The following NECAB1 variants were observed in gnomAD, a reference collection of about 807,000 sequenced individuals.
NECAB1 encodes the protein N-terminal EF-hand calcium-binding protein 1.
NECAB1 carries 29 observed loss-of-function variants against 57.5 expected under a neutral mutation model. That is an observed-to-expected ratio of 0.50 (90% CI 0.38 to 0.69). The LOEUF is 0.69. NECAB1 is among the 30% of genes least tolerant of loss of function. The probability of loss-of-function intolerance (pLI) is 0.00; values close to 1 mark genes in which losing one functional copy is unlikely to be tolerated. For synonymous variants in NECAB1, 142 were observed against 147.7 expected (o/e 0.96, Z 0.28); for missense variants, 372 against 413.8 (o/e 0.90, Z 0.88).
Position 90,928,229 on chromosome 8 carries a change from TAGA to T in NECAB1, c.630_632del (p.Glu210del), listed in dbSNP as rs754963955. 7 of 1,607,966 alleles carry T rather than the reference TAGA, an allele frequency of 4.4e-6. No individual in the cohort carries two copies. In the South Asian group the frequency reaches 4.4e-5, roughly 10 times the overall value. On this transcript the variant is annotated inframe_deletion, in exon 8 of 13. Transcript: ENST00000417640. ...TGATTCCCCCTGGCCCCAGGCTTAT[TAGA>T]AGAAGACAACCAGTGGATGACCCAG...
At chr8:90,909,698 A>C (rs1208582104) in intron 5 of NECAB1, among the ~76,000 whole-genome samples, 1 of 152,000 alleles carries the variant, frequency 6.6e-6, no homozygotes, top group Admixed American at 6.6e-5. Flanking sequence ...TTTACTCCAT[A>C]AGTCATTTGC....
At chr8:90,887,420 C>A (rs73298006) in intron 5 of NECAB1, among the ~76,000 whole-genome samples, 2,850 of 152,226 alleles carry the variant, frequency 0.019, 101 homozygotes, top group African/African-American at 0.066. Flanking sequence ...TTTTAAAAAG[C>A]TTGAGTAGCA....
rs2130287419 is a variant in NECAB1, at chr8:90,955,918, A to C, written c.*406A>C. 1 of 158,658 alleles carries C rather than the reference A, an allele frequency of 6.3e-6. No individual in the cohort carries two copies. The highest frequency in any genetic ancestry group is 1.8e-4 in the East Asian group (1 of 5,438). 9.8% of individuals were successfully genotyped at this position (158,658 alleles called of 1,614,324 possible). On this transcript the variant is annotated 3_prime_UTR_variant, in exon 13 of 13. Transcript: ENST00000417640. The stretch of plus-strand genomic sequence containing the variant: ...TTTTGTAAACTGTCGTATACTGTAA[A>C]GGGTTAAATCAGCGTTTTGTGATTT...
intron 3 of NECAB1, among the ~76,000 whole-genome samples, chr8:90,837,124 G>A (rs896484643): frequency 6.6e-6 from 1 of 152,168 alleles, no homozygotes; most frequent in South Asian, 2.1e-4. Context: ...TTAAAAAATG[G>A]TTCCAAAAAG....
intron 3 of NECAB1, among the ~76,000 whole-genome samples, chr8:90,833,682 A>G (rs1812325865): frequency 6.6e-6 from 1 of 152,166 alleles, no homozygotes; most frequent in Non-Finnish European, 1.5e-5. Flanking sequence ...TAAGTCATCA[A>G]TATCCACCAG....
intron 2 of NECAB1, among the ~76,000 whole-genome samples, chr8:90,820,979 T>G (rs1812134750): frequency 6.6e-6 from 1 of 151,944 alleles, no homozygotes; most frequent in Non-Finnish European, 1.5e-5. Flanking sequence ...TTACGAAATC[T>G]GAAACTTAAA....
intron 2 of NECAB1, among the ~76,000 whole-genome samples, chr8:90,812,216 A>G (rs1244147476): frequency 1.3e-5 from 2 of 152,216 alleles, no homozygotes; most frequent in Non-Finnish European, 2.9e-5. Context: ...CCTGTGTTAA[A>G]ATATTTAATT....
intron 3 of NECAB1, among the ~76,000 whole-genome samples, chr8:90,848,629 C>A (rs564842221): frequency 3.3e-5 from 5 of 152,296 alleles, no homozygotes; most frequent in Non-Finnish European, 7.4e-5. Flanking sequence ...AAAGGAGGAG[C>A]AAAGGCACTT....
intron 3 of NECAB1, among the ~76,000 whole-genome samples, chr8:90,833,460 G>A (rs1435211472): frequency 6.6e-6 from 1 of 151,710 alleles, no homozygotes; most frequent in East Asian, 1.9e-4. Context: ...GAATGTGCAG[G>A]TTTGTTACGT....
chr8:90,936,611 T>C (rs1025655371), intron 9 of NECAB1, among the ~76,000 whole-genome samples: 2 of 152,174 alleles, frequency 1.3e-5, no homozygotes, highest in Non-Finnish European at 2.9e-5. Flanking sequence ...AATTGCTCTT[T>C]GCTAGCGAGG....
chr8:90,954,951 A>G (rs911088368), intron 12 of NECAB1, among the ~76,000 whole-genome samples: 5 of 146,598 alleles, frequency 3.4e-5, no homozygotes, highest in Non-Finnish European at 6.0e-5. Flanking sequence ...ACATACATGT[A>G]TACATATTAT....
chr8:90,862,672 CTG>C (rs1345569607), intron 3 of NECAB1, among the ~76,000 whole-genome samples: 5 of 151,766 alleles, frequency 3.3e-5, no homozygotes, highest in African/African-American at 1.2e-4. Context: ...TTCTTTGAGA[CTG>C]AATTTTTAAA....
At chr8:90,883,075 T>C (rs1040621296) in intron 5 of NECAB1, among the ~76,000 whole-genome samples, 71 of 152,190 alleles carry the variant, frequency 4.7e-4, no homozygotes, top group African/African-American at 1.7e-3. Flanking sequence ...ACTAAAATCA[T>C]GCTGTTTTCC....
Position 90,956,870 on chromosome 8 carries a change from A to C in NECAB1, c.*1358A>C, listed in dbSNP as rs1811041601. On this transcript the variant is annotated 3_prime_UTR_variant, in exon 13 of 13. Coordinates refer to ENST00000417640, the MANE Select transcript of NECAB1 (RefSeq NM_022351.5). ...TATACTCTCAGTTCTCATTCAGTAT[A>C]AATAAAATTTTAAAATCCTTTCATA... The C allele has an allele frequency of 2.6e-5, 4 of 152,310 alleles. No homozygotes were observed. Among genetic ancestry groups the C allele is most frequent in the South Asian group, 2.1e-4 (1 of 4,830 alleles). 9.4% of individuals were successfully genotyped at this position (152,310 alleles called of 1,614,324 possible). A position where few individuals can be genotyped will look rare whatever the true frequency, so the allele number is the denominator to read the frequency against.
intron 5 of NECAB1, among the ~76,000 whole-genome samples, chr8:90,892,800 C>CA (rs1809218615): frequency 6.6e-6 from 1 of 152,092 alleles, no homozygotes; most frequent in Non-Finnish European, 1.5e-5. Flanking sequence ...GACATCTTTC[C>CA]AAAAAATAAG....
intron 6 of NECAB1, among the ~76,000 whole-genome samples, chr8:90,917,870 A>ATATATATATATATGTGTGTG (rs1554575432): frequency 1.9e-4 from 12 of 64,334 alleles, no homozygotes; most frequent in East Asian, 1.1e-3. Flanking sequence ...ATATATATAT[A>ATATATATATATATGTGTGTG]TGTGTGTGTG....
In NECAB1 at chr8:90,905,783, A is replaced by G. The variant is rs553891472; in HGVS notation, c.358-11709A>G. ...TCTCGTTCTCTTCTCTGTCACTTCT[A>G]TTTCATATTGTTCATCTCTCTGCTT... is the stretch of plus-strand genomic sequence containing the variant. On this transcript the variant is annotated intron_variant, in intron 5 of 12. Transcript: ENST00000417640. 4.6e-5 allele frequency among the ~76,000 whole-genome samples: 7 copies of G among 152,052 alleles called. No individual in the cohort carries two copies. In the South Asian group the frequency reaches 1.2e-3, roughly 27 times the overall value.
At chr8:90,800,952 A>T (rs1298364959) in intron 1 of NECAB1, among the ~76,000 whole-genome samples, 2 of 152,188 alleles carry the variant, frequency 1.3e-5, no homozygotes, top group Non-Finnish European at 2.9e-5. Flanking sequence ...TGGATACCGG[A>T]TGGCCAAATA....
chr8:90,852,255 C>T (rs1257089528), intron 3 of NECAB1, among the ~76,000 whole-genome samples: 1 of 152,136 alleles, frequency 6.6e-6, no homozygotes, highest in Non-Finnish European at 1.5e-5. Flanking sequence ...TATACTGTCA[C>T]CTCCTTTAAA....
Sources: gnomAD v4.1 joint callset for allele counts (sites outside exome capture counted in the v4.1 genomes callset) on GRCh38, gnomAD v4.1.1 for gene constraint, MANE v1.5 for transcripts, NCBI Gene and HGNC (gene_info 2026-07-23, HGNC 2026-07-21) for gene names.